LASP1: variants seen among roughly 807,000 people sequenced by gnomAD.
The protein encoded by LASP1 is LIM and SH3 protein 1.
A neutral mutation model predicts 38.6 loss-of-function variants in LASP1; 10 were observed. The observed-to-expected ratio is 0.26, with a 90% CI of 0.16 to 0.44. LASP1 has a LOEUF of 0.44. Among genes scored for constraint, LASP1 ranks in the 20% least tolerant of loss-of-function variants. The pLI is 1.00. For missense variants in LASP1, 243 were observed against 375.7 expected (o/e 0.65, Z 2.92); for synonymous variants, 132 against 140.8 (o/e 0.94, Z 0.44).
chr17:38,913,000 G>A (rs542521605), intron 4 of LASP1, among the ~76,000 whole-genome samples: 4 of 152,164 alleles, frequency 2.6e-5, no homozygotes, highest in Admixed American at 6.5e-5. Flanking sequence ...AGCACCCAAG[G>A]GGTCTGGGCA....
intron 2 of LASP1, among the ~76,000 whole-genome samples, chr17:38,883,913 G>C (rs966758689): frequency 6.6e-6 from 1 of 151,750 alleles, no homozygotes; most frequent in Non-Finnish European, 1.5e-5. Flanking sequence ...GGGGATGGAC[G>C]GGTGAGAAAC....
chr17:38,880,617 G>A (rs1221507503), intron 2 of LASP1, among the ~76,000 whole-genome samples: 1 of 152,184 alleles, frequency 6.6e-6, no homozygotes, highest in Admixed American at 6.5e-5. Flanking sequence ...AGAGACCTGG[G>A]GGCTTTGTGA....
At chr17:38,880,472 C>T (rs1913912603) in intron 2 of LASP1, among the ~76,000 whole-genome samples, 1 of 152,250 alleles carries the variant, frequency 6.6e-6, no homozygotes, top group Admixed American at 6.5e-5. Context: ...GTTCCCCTGT[C>T]TCCCTCCTGG....
chr17:38,899,744 G>A (rs1914587852), intron 4 of LASP1, among the ~76,000 whole-genome samples: 1 of 108,194 alleles, frequency 9.2e-6, no homozygotes, highest in Non-Finnish European at 2.0e-5. Flanking sequence ...AGGGCGTTCA[G>A]ATCTTTTTTT....
intron 4 of LASP1, among the ~76,000 whole-genome samples, chr17:38,911,770 G>C (rs1433704327): frequency 6.7e-6 from 1 of 150,102 alleles, no homozygotes; most frequent in African/African-American, 2.5e-5. Flanking sequence ...ATATGTATGT[G>C]AGGCTTTATG....
At position 38,918,951 on chromosome 17, in the gene LASP1, G is replaced by C; in HGVS notation, c.*173G>C. On this transcript the variant is annotated 3_prime_UTR_variant, in exon 7 of 7. Coordinates refer to ENST00000318008, the MANE Select transcript of LASP1 (RefSeq NM_006148.4). This position sits in a 1 kb window ranked among gnomAD's most constrained non-coding sequence, Gnocchi z 4.4. ...AAGCCTTCTTCTGCCACTTCTGCGG[G>C]CTCCCTCCTCTGGCAGGCTTCCCCC... The C allele has an allele frequency of 1.4e-6, 1 of 713,702 alleles. No homozygotes were observed. The highest frequency in any genetic ancestry group is 2.3e-6 in the Non-Finnish European group (1 of 436,752). 44.2% of individuals were successfully genotyped at this position (713,702 alleles called of 1,614,324 possible). A position where few individuals can be genotyped will look rare whatever the true frequency, so the allele number is the denominator to read the frequency against.
intron 4 of LASP1, among the ~76,000 whole-genome samples, chr17:38,900,958 G>A (rs1283889717): frequency 3.9e-5 from 6 of 152,340 alleles, no homozygotes; most frequent in East Asian, 1.9e-4. Flanking sequence ...CAGAGCTCTC[G>A]GCTTGGAAAG....
At chr17:38,877,023 A>G (rs183793746) in intron 1 of LASP1, among the ~76,000 whole-genome samples, 2 of 152,302 alleles carry the variant, frequency 1.3e-5, no homozygotes, top group East Asian at 1.9e-4. Context: ...TCTCACACGC[A>G]TGAATGGATT....
intron 1 of LASP1, among the ~76,000 whole-genome samples, chr17:38,877,283 G>A (rs1215132998): frequency 6.6e-6 from 1 of 152,170 alleles, no homozygotes; most frequent in African/African-American, 2.4e-5. Flanking sequence ...TGAGGTGCAG[G>A]GCCCCGCCCA....
intron 2 of LASP1, among the ~76,000 whole-genome samples, chr17:38,883,898 C>T (rs1256317538): frequency 6.6e-6 from 1 of 151,866 alleles, no homozygotes; most frequent in East Asian, 1.9e-4. Context: ...GCCCCTTAGG[C>T]CTGAGGGGAT....
chr17:38,870,656 C>A (rs1395702997), intron 1 of LASP1, among the ~76,000 whole-genome samples: 1 of 139,718 alleles, frequency 7.2e-6, no homozygotes, highest in African/African-American at 2.6e-5. Context: ...TAGGCGGAAG[C>A]GCGGGGCGCT....
chr17:38,895,073 A>G (rs1914446843), intron 3 of LASP1, among the ~76,000 whole-genome samples: 1 of 151,996 alleles, frequency 6.6e-6, no homozygotes, highest in Admixed American at 6.6e-5. Flanking sequence ...TTTTGTTAGA[A>G]GGGGATGGGT....
chr17:38,873,135 G>A (rs1390278688), intron 1 of LASP1, among the ~76,000 whole-genome samples: 1 of 152,146 alleles, frequency 6.6e-6, no homozygotes, highest in Non-Finnish European at 1.5e-5. Context: ...CCAGGTTTCT[G>A]AAAACAGGTG....
At chr17:38,913,983 CAG>C (rs1402459186) in intron 4 of LASP1, among the ~76,000 whole-genome samples, 5 of 147,304 alleles carry the variant, frequency 3.4e-5, no homozygotes, top group Non-Finnish European at 7.4e-5. Context: ...GCCTGGGCGA[CAG>C]AGCCAAACTC....
chr17:38,907,156 G>A (rs921162519), intron 4 of LASP1, among the ~76,000 whole-genome samples: 5 of 152,158 alleles, frequency 3.3e-5, no homozygotes, highest in South Asian at 2.1e-4. Flanking sequence ...ATTTGCTGGC[G>A]AGGGGAAGGA....
rs1303250511 is a variant in LASP1, at chr17:38,918,405, G to T, written c.613-200G>T. Among the ~76,000 whole-genome samples the T allele has an allele frequency of 6.6e-6, 1 of 152,216 alleles. No individual in the cohort carries two copies. The highest frequency in any genetic ancestry group is 2.4e-5 in the African/African-American group (1 of 41,444). ...GCTCTGCCTCTGGCCCTTAGTAGCT[G>T]CCAAAGGTTGTAAAAGATCGATTGC... On this transcript the variant is annotated intron_variant, in intron 6 of 6. Transcript: ENST00000318008. The surrounding 1 kb of genome is among the most constrained non-coding windows in gnomAD (Gnocchi z 4.4).
intron 5 of LASP1, 87 bp from the exon 6 acceptor site, chr17:38,914,956 A>T (rs773160348): frequency 8.2e-7 from 1 of 1,212,476 alleles, no homozygotes; most frequent in Non-Finnish European, 1.2e-6. Flanking sequence ...GCGGGGTGGA[A>T]GTGCATGGTA....
intron 1 of LASP1, among the ~76,000 whole-genome samples, chr17:38,873,347 C>A (rs1048358778): frequency 6.6e-6 from 1 of 152,126 alleles, no homozygotes; most frequent in Admixed American, 6.6e-5. Context: ...CTAGTTATCA[C>A]GATATGCTGG....
At chr17:38,891,571 C>A (rs1323862072) in intron 3 of LASP1, among the ~76,000 whole-genome samples, 5 of 152,054 alleles carry the variant, frequency 3.3e-5, no homozygotes, top group Non-Finnish European at 7.4e-5. Context: ...GTAGGAGAGG[C>A]AATAATAATA....
Sources: allele counts gnomAD v4.1 joint callset (sites outside exome capture counted in the v4.1 genomes callset), GRCh38; gene constraint gnomAD v4.1.1; non-coding constraint Gnocchi (gnomAD v3.1); transcripts MANE v1.5; gene names NCBI Gene and HGNC (gene_info 2026-07-23, HGNC 2026-07-21).